TLL2: variants seen among roughly 807,000 people sequenced by gnomAD.
TLL2 encodes the protein tolloid-like protein 2.
In TLL2, 106 loss-of-function variants were observed where a neutral mutation model predicts 123.0. That is an observed-to-expected ratio of 0.86 (90% CI 0.74 to 1.01). TLL2 has a LOEUF of 1.01. TLL2 is among the 50% of genes least tolerant of loss of function. The pLI is 0.00. For synonymous variants in TLL2, 494 were observed against 516.8 expected (o/e 0.96, Z 0.60); for missense variants, 1,332 against 1,336.7 (o/e 1.00, Z 0.06).
At chr10:96,492,636 C>T (rs1222755950) in intron 1 of TLL2, among the ~76,000 whole-genome samples, 3 of 152,090 alleles carry the variant, frequency 2.0e-5, no homozygotes, top group African/African-American at 7.2e-5. Context: ...AACAAACAAA[C>T]AAAAATCAGA....
chr10:96,482,552 C>T (rs530521896), intron 1 of TLL2, among the ~76,000 whole-genome samples: 4 of 152,194 alleles, frequency 2.6e-5, no homozygotes, highest in South Asian at 2.1e-4. Context: ...AAACATCATA[C>T]GAAATGAAAT....
intron 4 of TLL2, among the ~76,000 whole-genome samples, chr10:96,429,091 C>T (rs118170831): frequency 1.4e-3 from 217 of 152,148 alleles, no homozygotes; most frequent in African/African-American, 4.9e-3. Flanking sequence ...GCATGAGCCA[C>T]GGCACCCAGC....
chr10:96,501,292 T>C (rs1847530933), intron 1 of TLL2, among the ~76,000 whole-genome samples: 1 of 152,190 alleles, frequency 6.6e-6, no homozygotes, highest in Non-Finnish European at 1.5e-5. Flanking sequence ...AGTGAACTCA[T>C]ACATGTTTCA....
chr10:96,395,151 T>C (rs1322213045), intron 13 of TLL2, 36 bp downstream of exon 13: 4 of 1,558,432 alleles, frequency 2.6e-6, no homozygotes, highest in Middle Eastern at 1.7e-4. Context: ...TATTTCTTCT[T>C]GTGCCTAAAA....
intron 2 of TLL2, among the ~76,000 whole-genome samples, chr10:96,466,914 T>G (rs1847137613): frequency 6.6e-6 from 1 of 152,204 alleles, no homozygotes; most frequent in Non-Finnish European, 1.5e-5. Flanking sequence ...CTCCATTTTA[T>G]AGATGAGGAA....
At chr10:96,500,592 G>C (rs1033278079) in intron 1 of TLL2, among the ~76,000 whole-genome samples, 2 of 152,174 alleles carry the variant, frequency 1.3e-5, no homozygotes, top group African/African-American at 4.8e-5. Flanking sequence ...TCAGGAGCTC[G>C]GGACCAGCCT....
intron 1 of TLL2, among the ~76,000 whole-genome samples, chr10:96,502,770 C>T (rs766837518): frequency 5.3e-5 from 8 of 152,156 alleles, no homozygotes; most frequent in Non-Finnish European, 1.2e-4. Context: ...ACAGGACTCA[C>T]ATCGACTCCA....
chr10:96,478,387 A>G (rs1051425773), intron 2 of TLL2, among the ~76,000 whole-genome samples: 8 of 152,224 alleles, frequency 5.3e-5, no homozygotes, highest in African/African-American at 1.9e-4. Flanking sequence ...ACCCACTTAG[A>G]GCGTAAAGTG....
intron 2 of TLL2, among the ~76,000 whole-genome samples, chr10:96,451,897 T>G (rs1225199062): frequency 1.3e-5 from 2 of 152,230 alleles, no homozygotes; most frequent in African/African-American, 4.8e-5. Context: ...GCTCTCATGT[T>G]TACTCATTTT....
intron 1 of TLL2, among the ~76,000 whole-genome samples, chr10:96,498,510 A>C (rs1220767750): frequency 6.6e-6 from 1 of 152,182 alleles, no homozygotes; most frequent in Non-Finnish European, 1.5e-5. Context: ...AGTTTAGCTT[A>C]TTGTGGCAGA....
intron 16 of TLL2, among the ~76,000 whole-genome samples, chr10:96,381,201 C>T (rs370591970): frequency 2.6e-5 from 4 of 152,306 alleles, no homozygotes; most frequent in Admixed American, 2.0e-4. Context: ...TGCCCCCTGC[C>T]CTGCTGCCCT....
intron 2 of TLL2, among the ~76,000 whole-genome samples, chr10:96,447,917 G>A (rs1846914584): frequency 1.3e-5 from 2 of 152,086 alleles, no homozygotes; most frequent in African/African-American, 4.8e-5. Flanking sequence ...CAGACACCCG[G>A]TGGTCTTCCC....
intron 13 of TLL2, among the ~76,000 whole-genome samples, chr10:96,391,805 C>A (rs1317699875): frequency 6.6e-6 from 1 of 152,178 alleles, no homozygotes; most frequent in African/African-American, 2.4e-5. Flanking sequence ...TTCTTCTTTT[C>A]TAAATGTTGT....
At chr10:96,440,286 G>A (rs1846838650) in intron 3 of TLL2, among the ~76,000 whole-genome samples, 1 of 152,160 alleles carries the variant, frequency 6.6e-6, no homozygotes, top group Admixed American at 6.5e-5. Flanking sequence ...ACCCTGCATG[G>A]TGCCTGACTG....
chr10:96,410,431 T>C lies in TLL2; in HGVS notation c.1092A>G (p.Ala364=), dbSNP rs1157045959. The stretch of plus-strand genomic sequence containing the variant: ...ATGGGTACCCATTTGGGAAACCAGG[T>C]GCAGAAAAGTTTCCCGTTGTGTCCT... ...TLQDTTGNFS[A]PGFPNGYPSY... The change falls in exon 9 of 21, where the codon GCA becomes GCG. Residue 364 remains alanine, a synonymous_variant. Coordinates refer to ENST00000357947, the MANE Select transcript of TLL2 (RefSeq NM_012465.4). The C allele has an allele frequency of 1.2e-6, 2 of 1,614,032 alleles. No individual in the cohort carries two copies. Among genetic ancestry groups the C allele is most frequent in the South Asian group, 2.2e-5 (2 of 91,060 alleles).
At chr10:96,421,333 C>G (rs1461023802) in intron 6 of TLL2, among the ~76,000 whole-genome samples, 1 of 152,120 alleles carries the variant, frequency 6.6e-6, no homozygotes, top group Non-Finnish European at 1.5e-5. Flanking sequence ...GATTAGTTAT[C>G]AACTTGCTTG....
rs115254880 is a variant in TLL2 at position 96,378,878 on chromosome 10, G to A, written c.2320+89C>T. On this transcript the variant is annotated intron_variant, in intron 17 of 20. Transcript: ENST00000357947. ...TCAGAAGGTGGAAGAGGTCCTCGCC[G>A]CACCTCCTTACTCATGCACATGCAC... The A allele has an allele frequency of 8.5e-4, 1,308 of 1,537,432 alleles. 14 individuals carry two copies. The African/African-American group carries it at 0.016, about 19-fold the overall frequency.
intron 2 of TLL2, among the ~76,000 whole-genome samples, chr10:96,458,587 CAAAAAAAAAAAAAAAAAAAA>C (rs55819031): frequency 4.4e-5 from 2 of 45,952 alleles, no homozygotes; most frequent in Non-Finnish European, 7.6e-5. Flanking sequence ...GACTTCGTCT[CAAAAAAAAAAAAAAAAAAAA>C]AAAAAAAAAA....
At chr10:96,436,965 C>T (rs182891721) in intron 3 of TLL2, among the ~76,000 whole-genome samples, 1 of 152,308 alleles carries the variant, frequency 6.6e-6, no homozygotes, top group Non-Finnish European at 1.5e-5. Context: ...GGATTACAGG[C>T]ATGCACCACC....
Sources: allele counts gnomAD v4.1 joint callset (sites outside exome capture counted in the v4.1 genomes callset), GRCh38; gene constraint gnomAD v4.1.1; transcripts MANE v1.5; gene names NCBI Gene and HGNC (gene_info 2026-07-23, HGNC 2026-07-21).